GFPT2: variants seen among roughly 807,000 people sequenced by gnomAD.
GFPT2 encodes glutamine--fructose-6-phosphate transaminase 2, also known as glutamine--fructose-6-phosphate aminotransferase [isomerizing] 2.
A neutral mutation model predicts 85.6 loss-of-function variants in GFPT2; 62 were observed. That is an observed-to-expected ratio of 0.72 (90% CI 0.59 to 0.90). The LOEUF (loss-of-function observed/expected upper bound fraction) is 0.90. Ranked by LOEUF, GFPT2 falls within the 40% of genes least tolerant of loss-of-function variation. GFPT2 has a pLI of 0.00. For synonymous variants in GFPT2, 368 were observed against 344.5 expected (o/e 1.07, Z -0.75); for missense variants, 788 against 893.4 (o/e 0.88, Z 1.50).
chr5:180,305,983 C>CT (rs59887076), intron 16 of GFPT2, among the ~76,000 whole-genome samples: 39 of 138,760 alleles, frequency 2.8e-4, no homozygotes, highest in East Asian at 6.3e-4. Flanking sequence ...TTCTTTCTTT[C>CT]TTTTTTTTTT....
intron 13 of GFPT2, among the ~76,000 whole-genome samples, chr5:180,315,662 T>TTTATAA (rs1460820593): frequency 7.2e-5 from 11 of 152,138 alleles, no homozygotes; most frequent in Non-Finnish European, 1.3e-4. Flanking sequence ...AAATTCTACT[T>TTTATAA]TTATAAAGGC....
At chr5:180,332,730 G>A (rs987561616) in intron 4 of GFPT2, among the ~76,000 whole-genome samples, 1 of 152,172 alleles carries the variant, frequency 6.6e-6, no homozygotes, top group South Asian at 2.1e-4. Flanking sequence ...AGTAGAGACA[G>A]GGTTTCACCA....
chr5:180,304,955 G>C lies in GFPT2; in HGVS notation c.1675-16C>G. 1.3e-6 allele frequency: 2 copies of C among 1,589,764 alleles called. No homozygotes were observed. Among genetic ancestry groups the C allele is most frequent in the Non-Finnish European group, 1.7e-6 (2 of 1,159,438 alleles). On this transcript the variant is annotated splice_polypyrimidine_tract_variant and intron_variant, in intron 16 of 18. Transcript: ENST00000253778. ...CTTTAATTTTCTGGAAACAGGAGGT[G>C]AGATCAGAGTCACACTGGGCAGATG...
intron 16 of GFPT2, among the ~76,000 whole-genome samples, chr5:180,305,877 A>G (rs1763766092): frequency 2.0e-5 from 3 of 152,106 alleles, no homozygotes; most frequent in Admixed American, 1.3e-4. Flanking sequence ...GATGGAGCTC[A>G]GTGAGGACAG....
At chr5:180,317,488 A>G (rs7719192) in intron 10 of GFPT2, among the ~76,000 whole-genome samples, 24,660 of 145,720 alleles carry the variant, frequency 0.17, 2,578 homozygotes, top group East Asian at 0.35. Flanking sequence ...GGCCGGGCGC[A>G]GTGGCTCACG....
chr5:180,318,588 C>A lies in GFPT2; in HGVS notation c.958+205G>T, dbSNP rs116787170. 1.8e-6 allele frequency: 1 copy of A among 569,318 alleles called. No homozygotes were observed. 35.3% of individuals were successfully genotyped at this position (569,318 alleles called of 1,614,324 possible). On this transcript the variant is annotated intron_variant, in intron 10 of 18. Coordinates refer to ENST00000253778, the MANE Select transcript of GFPT2 (RefSeq NM_005110.4). The surrounding 1 kb of genome is among the most constrained non-coding windows in gnomAD (Gnocchi z 4.2). ...AGGAAAGACCTGGCGGCTGGCTGCA[C>A]ACAGGAGCCCCCGCTTGGAGGTGCC... is the stretch of plus-strand genomic sequence containing the variant.
At chr5:180,333,511 G>C (rs1378588555) in intron 4 of GFPT2, among the ~76,000 whole-genome samples, 1 of 152,210 alleles carries the variant, frequency 6.6e-6, no homozygotes, top group African/African-American at 2.4e-5. Context: ...TGGGATTACA[G>C]GCGTGAGCCA....
At chr5:180,329,572 C>T (rs768165317) in intron 6 of GFPT2, among the ~76,000 whole-genome samples, 3 of 152,266 alleles carry the variant, frequency 2.0e-5, no homozygotes, top group Admixed American at 1.3e-4. Flanking sequence ...TTTTTATAAA[C>T]ACGTCCTCTA....
chr5:180,310,039 T>C (rs1393267395), intron 15 of GFPT2, among the ~76,000 whole-genome samples: 1 of 151,818 alleles, frequency 6.6e-6, no homozygotes, highest in Non-Finnish European at 1.5e-5. Flanking sequence ...CTCGATCTCC[T>C]GACCTCATGA....
chr5:180,335,820 C>T lies in GFPT2; in HGVS notation c.340+8G>A. On this transcript the variant is annotated splice_region_variant and intron_variant, in intron 4 of 18. Coordinates refer to ENST00000253778, the MANE Select transcript of GFPT2 (RefSeq NM_005110.4). ...GGAACCATGGGGACGGGGAAGCATG[C>T]CACATACCGTTGCCTTTGTCTGAGC... The T allele has an allele frequency of 6.2e-7, 1 of 1,601,582 alleles. No individual in the cohort carries two copies. The highest frequency in any genetic ancestry group is 8.5e-7 in the Non-Finnish European group (1 of 1,175,642).
chr5:180,313,547 G>A (rs962273904), intron 14 of GFPT2, among the ~76,000 whole-genome samples: 7 of 151,500 alleles, frequency 4.6e-5, no homozygotes, highest in Admixed American at 1.3e-4. Context: ...CCGAGATCGC[G>A]CCCCTGCACT....
At chr5:180,345,258 G>A (rs1314418577) in intron 1 of GFPT2, among the ~76,000 whole-genome samples, 1 of 152,256 alleles carries the variant, frequency 6.6e-6, no homozygotes, top group Non-Finnish European at 1.5e-5. Context: ...TAAACCAAAT[G>A]CGTTACTTGG....
Position 180,307,201 on chromosome 5 carries a change from T to G in GFPT2, c.1649A>C (p.Tyr550Ser). 1 of 1,599,970 alleles carries G rather than the reference T, an allele frequency of 6.3e-7. No homozygotes were observed. Among genetic ancestry groups the G allele is most frequent in the South Asian group, 1.1e-5 (1 of 88,446 alleles). The change falls in exon 16 of 19, where the codon TAT becomes TCT. Residue 550 changes from tyrosine to serine, a missense_variant. Tyr to Ser is a moderately radical substitution (Grantham distance 144). Coordinates refer to ENST00000253778, the MANE Select transcript of GFPT2 (RefSeq NM_005110.4). ...CAGGGCTCCTTCCAGGCAGGTGGCA[T>G]AGTTGTAGCCCCGCCCCATCACCAG... ...SLLVMGRGYN[Y>S]ATCLEGALKI...
intron 1 of GFPT2, chr5:180,352,377 G>A: frequency 4.5e-6 from 2 of 444,600 alleles, no homozygotes; most frequent in South Asian, 1.6e-5. Context: ...GTGACCTTTT[G>A]TCCCAGCAGA....
At chr5:180,344,476 G>T (rs1057321038) in intron 1 of GFPT2, among the ~76,000 whole-genome samples, 6 of 152,164 alleles carry the variant, frequency 3.9e-5, no homozygotes, top group African/African-American at 7.2e-5. Context: ...ATCCACAGGG[G>T]GATGTCCTAG....
chr5:180,307,134 G>C, intron 16 of GFPT2, 42 bp downstream of exon 16: 1 of 1,479,422 alleles, frequency 6.8e-7, no homozygotes, highest in East Asian at 2.5e-5. Context: ...GGTCTCCTGT[G>C]CCTGTCCTCC....
intron 1 of GFPT2, 164 bp downstream of exon 1, chr5:180,353,047 C>A (rs867442973): frequency 2.0e-6 from 1 of 489,808 alleles, no homozygotes; most frequent in Non-Finnish European, 3.2e-6. Context: ...GGGTGAGGGG[C>A]AGCCAGGCCC....
rs575936772 is a variant in GFPT2, at chr5:180,315,396, C to T, written c.1273+945G>A. On this transcript the variant is annotated intron_variant, in intron 13 of 18. Coordinates refer to ENST00000253778, the MANE Select transcript of GFPT2 (RefSeq NM_005110.4). ...GGTTTCACTGTGTGAGCCAGGATGG[C>T]CTCAATCTCCTGACCTCGTGATCCG... Among the ~76,000 whole-genome samples the T allele has an allele frequency of 8.3e-4, 126 of 152,172 alleles. No homozygotes were observed. In the Middle Eastern group the frequency reaches 0.017, roughly 21 times the overall value.
intron 14 of GFPT2, 27 bp downstream of exon 14, chr5:180,313,780 G>A: frequency 1.3e-6 from 2 of 1,530,486 alleles, no homozygotes; most frequent in Non-Finnish European, 1.8e-6. Context: ...GGCTCTCCCT[G>A]GGACGGGCGC....
Sources: gnomAD v4.1 joint callset for allele counts (sites outside exome capture counted in the v4.1 genomes callset) on GRCh38, gnomAD v4.1.1 for gene constraint, Gnocchi (gnomAD v3.1) non-coding constraint, MANE v1.5 for transcripts, NCBI Gene and HGNC (gene_info 2026-07-23, HGNC 2026-07-21) for gene names.